ACKR2: variants seen among roughly 807,000 people sequenced by gnomAD.
The protein encoded by ACKR2 is C-C chemokine receptor D6.
For synonymous variants in ACKR2, 207 were observed against 192.2 expected, an observed-to-expected ratio of 1.08 and a Z score of -0.64; for missense variants, 457 against 477.3, an observed-to-expected ratio of 0.96 and a Z score of 0.40.
chr3:42,851,724 T>C (rs1701161808), intron 2 of ACKR2, among the ~76,000 whole-genome samples: 1 of 152,190 alleles, frequency 6.6e-6, no homozygotes. Flanking sequence ...GAGTTGGTTC[T>C]CCAACCTGGC....
intron 2 of ACKR2, among the ~76,000 whole-genome samples, chr3:42,822,469 C>T (rs986741042): frequency 6.6e-6 from 1 of 152,146 alleles, no homozygotes; most frequent in Non-Finnish European, 1.5e-5. Context: ...TTTCTTGAGT[C>T]ACTTCTAGCA....
chr3:42,826,948 A>G (rs1356352360), intron 2 of ACKR2, among the ~76,000 whole-genome samples: 2 of 152,066 alleles, frequency 1.3e-5, no homozygotes, highest in Non-Finnish European at 2.9e-5. Flanking sequence ...AGTATTTTCT[A>G]ATCTCCCTTG....
intron 2 of ACKR2, among the ~76,000 whole-genome samples, chr3:42,862,448 T>C (rs1024642713): frequency 3.3e-5 from 5 of 152,184 alleles, no homozygotes; most frequent in African/African-American, 1.2e-4. Context: ...AAGTGATTTA[T>C]AGATTCAATG....
chr3:42,865,015 G>A lies in ACKR2; in HGVS notation c.513G>A (p.Val171=). Residue 171 remains valine (V), a synonymous_variant, in exon 3 of 3, where the codon GTG becomes GTA. Transcript: ENST00000422265. ...SLLLATIVWA[V]SLAVSIPDMV... ...TCCTTGCTACCATAGTATGGGCTGT[G>A]TCCCTGGCCGTCTCCATCCCTGATA... is the stretch of plus-strand genomic sequence containing the variant. 1 of 1,614,174 alleles carries A rather than the reference G, an allele frequency of 6.2e-7. No individual in the cohort carries two copies. The highest frequency in any genetic ancestry group is 8.5e-7 in the Non-Finnish European group (1 of 1,180,034).
chr3:42,845,752 G>A (rs1048446095), intron 2 of ACKR2, among the ~76,000 whole-genome samples: 2 of 151,528 alleles, frequency 1.3e-5, no homozygotes, highest in South Asian at 2.1e-4. Context: ...GGGAGGCTGA[G>A]GCACGAGAAT....
chr3:42,857,273 C>T (rs1326716566), intron 2 of ACKR2, among the ~76,000 whole-genome samples: 1 of 152,088 alleles, frequency 6.6e-6, no homozygotes, highest in African/African-American at 2.4e-5. Flanking sequence ...AGAGGAGAGA[C>T]TCACAGGGTG....
chr3:42,810,736 G>A (rs566494265), intron 1 of ACKR2, among the ~76,000 whole-genome samples: 64 of 152,300 alleles, frequency 4.2e-4, no homozygotes, highest in East Asian at 3.7e-3. Context: ...GTTCAAGTGC[G>A]CTCTCATGGC....
At chr3:42,823,759 C>T (rs1302918266) in intron 2 of ACKR2, among the ~76,000 whole-genome samples, 1 of 152,198 alleles carries the variant, frequency 6.6e-6, no homozygotes, top group East Asian at 1.9e-4. Flanking sequence ...TTAATAAAAT[C>T]TATTGACTTT....
At chr3:42,835,198 C>T (rs568609499) in intron 2 of ACKR2, 2 of 127,204 alleles carry the variant, frequency 1.6e-5, no homozygotes, top group African/African-American at 2.6e-5. Flanking sequence ...TAATGTTTTC[C>T]TTCACTGGGC....
Position 42,830,945 on chromosome 3 carries a change from G to A in ACKR2, c.-38+11234G>A, listed in dbSNP as rs374471710. On this transcript the variant is annotated intron_variant, in intron 2 of 2. Transcript: ENST00000422265. ...TTTGGTCTTTTTTCTGTATAATTTG[G>A]GATTGGTGTACCAGAAATGACTAAA... Among the ~76,000 whole-genome samples, 5 of 151,786 alleles carry A rather than the reference G, an allele frequency of 3.3e-5. No individual in the cohort carries two copies. The East Asian group carries it at 7.7e-4, about 23-fold the overall frequency.
chr3:42,862,881 A>G (rs1173599534), intron 2 of ACKR2, among the ~76,000 whole-genome samples: 1 of 152,258 alleles, frequency 6.6e-6, no homozygotes, highest in Non-Finnish European at 1.5e-5. Flanking sequence ...AAAGACCTAA[A>G]CATAAGACCT....
chr3:42,813,885 CAGT>C (rs754203330), intron 1 of ACKR2, among the ~76,000 whole-genome samples: 29 of 152,152 alleles, frequency 1.9e-4, no homozygotes, highest in Non-Finnish European at 8.8e-5. Context: ...TAAGTTTTCG[CAGT>C]ATCATTAATG....
chr3:42,855,350 C>T (rs939654230), intron 2 of ACKR2, among the ~76,000 whole-genome samples: 2 of 152,158 alleles, frequency 1.3e-5, no homozygotes, highest in Admixed American at 1.3e-4. Flanking sequence ...ATGGTTCCTT[C>T]CCAATTTGCC....
intron 2 of ACKR2, chr3:42,851,509 A>G: frequency 3.5e-6 from 3 of 861,646 alleles, no homozygotes; most frequent in South Asian, 1.1e-4. Context: ...CCCAGGGGAC[A>G]CAGGGAGAGA....
At chr3:42,857,663 T>C (rs769847860) in intron 2 of ACKR2, among the ~76,000 whole-genome samples, 19 of 152,204 alleles carry the variant, frequency 1.2e-4, no homozygotes, top group Non-Finnish European at 2.4e-4. Flanking sequence ...AACAGAAATA[T>C]TGGATAAAAT....
chr3:42,839,090 A>G (rs1315082041), intron 2 of ACKR2: 2 of 152,176 alleles, frequency 1.3e-5, no homozygotes, highest in Non-Finnish European at 2.9e-5. Flanking sequence ...GGACATGCCT[A>G]CAGGTAGCTC....
intron 1 of ACKR2, among the ~76,000 whole-genome samples, chr3:42,811,461 C>G (rs940245718): frequency 1.3e-5 from 2 of 152,150 alleles, no homozygotes; most frequent in African/African-American, 4.8e-5. Context: ...TCTCGATTAA[C>G]CAGGGGCATA....
chr3:42,842,273 TTTTA>T (rs1191911006), intron 2 of ACKR2, among the ~76,000 whole-genome samples: 11 of 152,342 alleles, frequency 7.2e-5, no homozygotes, highest in Non-Finnish European at 1.6e-4. Flanking sequence ...CTAGTTATGT[TTTTA>T]TTTGTTTGCC....
chr3:42,822,880 C>T (rs1008141702), intron 2 of ACKR2, among the ~76,000 whole-genome samples: 1 of 152,042 alleles, frequency 6.6e-6, no homozygotes, highest in Non-Finnish European at 1.5e-5. Flanking sequence ...ATCTGCCCCC[C>T]TTCCCCAGTC....
Sources: allele counts gnomAD v4.1 joint callset (sites outside exome capture counted in the v4.1 genomes callset), GRCh38; gene constraint gnomAD v4.1.1; transcripts MANE v1.5; gene names NCBI Gene and HGNC (gene_info 2026-07-23, HGNC 2026-07-21).